DAGLB: variants seen among roughly 807,000 people sequenced by gnomAD.
The protein encoded by DAGLB is diacylglycerol lipase beta, also known as diacylglycerol lipase-beta.
In DAGLB, 66 loss-of-function variants were observed where a neutral mutation model predicts 72.1. The observed-to-expected ratio is 0.92, with a 90% CI of 0.75 to 1.12. The LOEUF is 1.12. Among genes scored for constraint, DAGLB ranks in the 50% most tolerant of loss-of-function variants. DAGLB has a pLI of 0.00. For synonymous variants in DAGLB, 414 were observed against 359.5 expected (o/e 1.15, Z -1.71); for missense variants, 1,065 against 884.9 (o/e 1.20, Z -2.58).
rs190231425 is a variant in DAGLB at position 6,440,990 on chromosome 7, C to T, written c.248-4457G>A. On this transcript the variant is annotated intron_variant, in intron 2 of 14. Transcript: ENST00000297056. ...TTTTTTTGAGGGGGGGACGGAGTTT[C>T]CCTCTTGTGAAAGTGCTGGGGTTAC... Among the ~76,000 whole-genome samples, 1,396 of 151,738 alleles carry T rather than the reference C, an allele frequency of 9.2e-3. 10 individuals are homozygous for T. Among genetic ancestry groups the T allele is most frequent in the Non-Finnish European group, 0.016 (1,100 of 67,916 alleles).
intron 2 of DAGLB, among the ~76,000 whole-genome samples, chr7:6,438,424 G>A (rs1784731434): frequency 6.6e-6 from 1 of 151,570 alleles, no homozygotes; most frequent in East Asian, 1.9e-4. Context: ...TTGGCACAAA[G>A]ACAAAATTTT....
intron 11 of DAGLB, among the ~76,000 whole-genome samples, chr7:6,414,311 ATTT>A (rs532628215): frequency 2.2e-5 from 3 of 135,852 alleles, no homozygotes; most frequent in African/African-American, 5.4e-5. Flanking sequence ...CACCCGGCCA[ATTT>A]TTTTTTTTTT....
rs1024325627 is a variant in DAGLB at position 6,410,866 on chromosome 7, G to A, written c.1570-486C>T. 1.3e-3 allele frequency among the ~76,000 whole-genome samples: 198 copies of A among 150,354 alleles called. 1 individual carries two copies. The highest frequency in any genetic ancestry group is 4.7e-3 in the African/African-American group (191 of 40,894). ...CTTACAGGCTCCTGCCACCATGCCC[G>A]GCTAATTTTTTGTATTTTTTTTTTT... On this transcript the variant is annotated intron_variant, in intron 13 of 14. Coordinates refer to ENST00000297056, the MANE Select transcript of DAGLB (RefSeq NM_139179.4).
At position 6,447,911 on chromosome 7, in the gene DAGLB, C is replaced by A; in HGVS notation, c.-69G>T. On this transcript the variant is annotated 5_prime_UTR_variant, in exon 1 of 15. It adds an upstream start codon to the 5' untranslated region. Coordinates refer to ENST00000297056, the MANE Select transcript of DAGLB (RefSeq NM_139179.4). ...CGTTCACCGAGAACAAACCAGCACC[C>A]TCCGGACGCCGCCACCAAATTATCG... 6.7e-7 allele frequency: 1 copy of A among 1,487,670 alleles called. No individual in the cohort carries two copies. The highest frequency in any genetic ancestry group is 8.9e-7 in the Non-Finnish European group (1 of 1,121,428). 92.2% of individuals were successfully genotyped at this position (1,487,670 alleles called of 1,614,324 possible).
chr7:6,424,726 G>C, intron 8 of DAGLB, 26 bp downstream of exon 8: 1 of 1,611,542 alleles, frequency 6.2e-7, no homozygotes, highest in South Asian at 1.1e-5. Context: ...CACTCCCAGG[G>C]CTGGAAAGTC....
chr7:6,430,442 G>T, intron 6 of DAGLB, 38 bp downstream of exon 6: 2 of 1,418,156 alleles, frequency 1.4e-6, no homozygotes, highest in Non-Finnish European at 1.9e-6. Flanking sequence ...TTTTTTAAGG[G>T]AAATATGGCT....
At position 6,416,912 on chromosome 7, in the gene DAGLB, G is replaced by C. The variant is rs1253707770; in HGVS notation, c.1228C>G (p.Gln410Glu). ...QDRLAHKGIS[Q>E]AARYVYQRLI... ...CGTTGGTAAACGTATCTGGCAGCTTGAGAAATACCCTAAAAACACAGACAA... is the reference window on the plus strand; with the variant it reads ...CGTTGGTAAACGTATCTGGCAGCTTCAGAAATACCCTAAAAACACAGACAA... Residue 410 changes from glutamine to glutamate, a missense_variant, in exon 10 of 15, where the codon CAA (glutamine) becomes GAA (glutamate). Transcript: ENST00000297056. 6.2e-6 allele frequency: 10 copies of C among 1,614,042 alleles called. No homozygotes were observed. Among genetic ancestry groups the C allele is most frequent in the Non-Finnish European group, 8.5e-6 (10 of 1,180,034 alleles).
Position 6,426,103 on chromosome 7 carries a change from C to T in DAGLB, c.941G>A (p.Arg314Lys). 1 of 1,613,758 alleles carries T rather than the reference C, an allele frequency of 6.2e-7. No homozygotes were observed. The highest frequency in any genetic ancestry group is 8.5e-7 in the Non-Finnish European group (1 of 1,179,930). Reference sequence around the variant, plus strand: ...TCCGACCAAGTCATAGTCTGTGGTTCTGCTTCTGCAGCTAAAAAGAGGACA... The same window carrying T: ...TCCGACCAAGTCATAGTCTGTGGTTTTGCTTCTGCAGCTAAAAAGAGGACA... Reference protein sequence around the residue: ...CRIGGDCCRSRTTDYDLVGGD... With the variant: ...CRIGGDCCRSKTTDYDLVGGD... The change falls in exon 7 of 15, where the codon AGA (arginine) becomes AAA (lysine). Residue 314 changes from arginine (R) to lysine (K), a missense_variant. Arg to Lys is a conservative substitution (Grantham distance 26). Coordinates refer to ENST00000297056, the MANE Select transcript of DAGLB (RefSeq NM_139179.4).
At chr7:6,437,157 AT>A (rs201969550) in intron 2 of DAGLB, among the ~76,000 whole-genome samples, 11,987 of 125,856 alleles carry the variant, frequency 0.095, 1,452 homozygotes, top group East Asian at 0.54. Context: ...CCGTCTCAAA[AT>A]AATAATAATA....
chr7:6,427,075 T>C (rs1391866397), intron 6 of DAGLB, among the ~76,000 whole-genome samples: 1 of 152,072 alleles, frequency 6.6e-6, no homozygotes, highest in African/African-American at 2.4e-5. Context: ...GCCACTGCAC[T>C]CCAGCCTAGG....
chr7:6,413,115 C>T, intron 11 of DAGLB, 81 bp from the exon 12 acceptor site: 4 of 1,467,434 alleles, frequency 2.7e-6, no homozygotes, highest in East Asian at 2.4e-5. Context: ...ATCAGTAACA[C>T]TGAGGGGTTA....
intron 13 of DAGLB, chr7:6,412,527 C>T (rs1783763067): frequency 2.4e-6 from 1 of 421,188 alleles, no homozygotes; most frequent in Non-Finnish European, 4.3e-6. Flanking sequence ...CTCAAGGGAT[C>T]CTCCTGCCTT....
chr7:6,411,305 G>A (rs950294431), intron 13 of DAGLB, among the ~76,000 whole-genome samples: 6 of 149,934 alleles, frequency 4.0e-5, no homozygotes, highest in South Asian at 4.6e-4. Flanking sequence ...CACCGGGCCC[G>A]CCCTAGATAC....
At chr7:6,432,515 C>G (rs1310351850) in intron 5 of DAGLB, among the ~76,000 whole-genome samples, 1 of 151,454 alleles carries the variant, frequency 6.6e-6, no homozygotes, top group African/African-American at 2.4e-5. Flanking sequence ...AAAAAATTAG[C>G]CAGGTGTGGT....
intron 11 of DAGLB, 157 bp downstream of exon 11, chr7:6,416,470 G>T (rs1159303952): frequency 8.4e-6 from 9 of 1,076,044 alleles, no homozygotes; most frequent in Non-Finnish European, 1.2e-5. Context: ...CTGAACCTGG[G>T]AGGTGGAGCT....
In DAGLB at chr7:6,446,121, A is replaced by AAG; in HGVS notation, c.96-18_96-17insCT. ...CCAATCCACCTGGCAAAAAAAAAAA[A>AAG]GGGAAGGGTCAGAAATGAAATCCAA... On this transcript the variant is annotated splice_polypyrimidine_tract_variant and intron_variant, in intron 1 of 14. Coordinates refer to ENST00000297056, the MANE Select transcript of DAGLB (RefSeq NM_139179.4). 6.4e-7 allele frequency: 1 copy of AAG among 1,569,832 alleles called. No homozygotes were observed. Among genetic ancestry groups the AAG allele is most frequent in the Non-Finnish European group, 8.6e-7 (1 of 1,160,152 alleles).
At position 6,424,746 on chromosome 7, in the gene DAGLB, C is replaced by A; in HGVS notation, c.1140+6G>T. 1.2e-6 allele frequency: 2 copies of A among 1,613,218 alleles called. No homozygotes were observed. Among genetic ancestry groups the A allele is most frequent in the Non-Finnish European group, 1.7e-6 (2 of 1,179,582 alleles). On this transcript the variant is annotated splice_donor_region_variant and intron_variant, in intron 8 of 14. Transcript: ENST00000297056. Reference sequence around the variant, plus strand: ...CCAGGGCTGGAAAGTCAGGTTCCAACGTTACCTGCAGAGACATGGTCCCCC... The same window carrying A: ...CCAGGGCTGGAAAGTCAGGTTCCAAAGTTACCTGCAGAGACATGGTCCCCC...
intron 3 of DAGLB, among the ~76,000 whole-genome samples, chr7:6,435,715 C>T (rs979972108): frequency 6.6e-6 from 1 of 152,010 alleles, no homozygotes; most frequent in Non-Finnish European, 1.5e-5. Context: ...TCTGATAGGC[C>T]TCTCATCTAT....
At chr7:6,413,326 G>A (rs768508209) in intron 11 of DAGLB, among the ~76,000 whole-genome samples, 6 of 152,178 alleles carry the variant, frequency 3.9e-5, no homozygotes, top group Admixed American at 6.6e-5. Context: ...GCGCTTGGAA[G>A]ACTCCATCAA....
Sources: gnomAD v4.1 joint callset for allele counts (sites outside exome capture counted in the v4.1 genomes callset) on GRCh38, gnomAD v4.1.1 for gene constraint, MANE v1.5 for transcripts, NCBI Gene and HGNC (gene_info 2026-07-23, HGNC 2026-07-21) for gene names.